The following SIM1 variants were observed in gnomAD, a reference collection of about 807,000 sequenced individuals.
The protein encoded by SIM1 is single-minded homolog 1.
Under a neutral mutation model 78.2 loss-of-function variants are expected in SIM1, and 18 were observed. The ratio of observed to expected loss-of-function variants is 0.23; its 90% CI spans 0.16 to 0.34. The LOEUF is 0.34. Ranked by LOEUF, SIM1 falls within the 10% of genes least tolerant of loss-of-function variation. The probability of loss-of-function intolerance (pLI) is 1.00; values close to 1 mark genes in which losing one functional copy is unlikely to be tolerated. For synonymous variants in SIM1, 417 were observed against 385.2 expected (o/e 1.08, Z -0.97); for missense variants, 939 against 975.1 (o/e 0.96, Z 0.49).
At chr6:100,463,073 C>T in intron 2 of SIM1, 1 of 473,302 alleles carries the variant, frequency 2.1e-6, no homozygotes, top group Non-Finnish European at 3.8e-6. Flanking sequence ...ATCTGATGGA[C>T]TGAAGAGAAA....
Position 100,463,345 on chromosome 6 carries a change from T to C in SIM1, c.124A>G (p.Ile42Val). 6.2e-7 allele frequency: 1 copy of C among 1,614,112 alleles called. No homozygotes were observed. Among genetic ancestry groups the C allele is most frequent in the African/African-American group, 1.3e-5 (1 of 75,050 alleles). The change falls in exon 2 of 12, where the codon ATA becomes GTA. Residue 42 changes from isoleucine to valine, a missense_variant. By Grantham distance (29) the Ile-to-Val change is conservative. This residue lies in a region of SIM1 where 121 missense variants were observed against 124.6 expected (regional missense o/e 0.97). Coordinates refer to ENST00000369208, the MANE Select transcript of SIM1 (RefSeq NM_005068.3). Reference protein sequence around the residue: ...AITSQLDKASIIRLTTSYLKM... With the variant: ...AITSQLDKASVIRLTTSYLKM... ...AGATAGCTGGTCGTGAGTCTGATTATGGATGCTTTGTCCAGCTGCGAGGTG... is the reference window on the plus strand; with the variant it reads ...AGATAGCTGGTCGTGAGTCTGATTACGGATGCTTTGTCCAGCTGCGAGGTG...
intron 9 of SIM1, among the ~76,000 whole-genome samples, chr6:100,446,728 T>C: frequency 6.6e-6 from 1 of 152,184 alleles, no homozygotes; most frequent in East Asian, 1.9e-4. Flanking sequence ...ACTTGCAGCG[T>C]TCTCTTGGGT....
At chr6:100,405,329 T>G (rs1230826009) in intron 10 of SIM1, among the ~76,000 whole-genome samples, 2 of 152,106 alleles carry the variant, frequency 1.3e-5, no homozygotes, top group Non-Finnish European at 2.9e-5. Flanking sequence ...CTAGAGGAAC[T>G]GAGCAGTAAA....
At chr6:100,414,598 C>T (rs1360421818) in intron 10 of SIM1, among the ~76,000 whole-genome samples, 1 of 152,096 alleles carries the variant, frequency 6.6e-6, no homozygotes. Flanking sequence ...ATAAGACTTT[C>T]TAGGAAGATA....
At chr6:100,429,041 A>G (rs970609334) in intron 9 of SIM1, among the ~76,000 whole-genome samples, 2 of 152,196 alleles carry the variant, frequency 1.3e-5, no homozygotes, top group African/African-American at 4.8e-5. Context: ...CTGGGAATAT[A>G]TCTTATAAAA....
intron 9 of SIM1, among the ~76,000 whole-genome samples, chr6:100,433,562 G>A (rs895596532): frequency 6.6e-6 from 1 of 151,884 alleles, no homozygotes; most frequent in Non-Finnish European, 1.5e-5. Context: ...TACTTTATAA[G>A]TATATTAAAA....
intron 9 of SIM1, among the ~76,000 whole-genome samples, chr6:100,430,505 A>T (rs1361343164): frequency 6.6e-6 from 1 of 152,182 alleles, no homozygotes; most frequent in South Asian, 2.1e-4. Flanking sequence ...TAATATTAAT[A>T]TCATATTAAT....
In SIM1 at chr6:100,389,365, C is replaced by G; in HGVS notation, c.*996G>C. 1 of 367,172 alleles carries G rather than the reference C, an allele frequency of 2.7e-6. No homozygotes were observed. 22.7% of individuals were successfully genotyped at this position (367,172 alleles called of 1,614,324 possible). On this transcript the variant is annotated 3_prime_UTR_variant, in exon 12 of 12. Transcript: ENST00000369208. ...ATATGTGCTTTGAAACGTTTTCAAA[C>G]ACTTAACACTGCTGTCATGTGGCAC...
chr6:100,417,947 A>C (rs538521939), intron 10 of SIM1, among the ~76,000 whole-genome samples: 5 of 152,252 alleles, frequency 3.3e-5, no homozygotes, highest in Non-Finnish European at 7.3e-5. Context: ...TGAAATTCTA[A>C]GGACTAGTTT....
rs1771566970 is a variant in SIM1 at position 100,421,044 on chromosome 6, A to T, written c.999-86T>A. On this transcript the variant is annotated intron_variant, in intron 9 of 11. Transcript: ENST00000369208. ...TCTCATCAGGAATGATAGTAATCCGAATTTGAAAAGAAGGCAAGCAAAAGT... is the reference window on the plus strand; with the variant it reads ...TCTCATCAGGAATGATAGTAATCCGTATTTGAAAAGAAGGCAAGCAAAAGT... 7 of 1,413,884 alleles carry T rather than the reference A, an allele frequency of 5.0e-6. No individual in the cohort carries two copies. The East Asian group carries it at 1.7e-4, about 35-fold the overall frequency. The allele number at this position is 1,413,884 out of a possible 1,614,324, so 87.6% of individuals were successfully genotyped here.
In SIM1 at chr6:100,412,595, G is replaced by GAA. The variant is rs1429069054; in HGVS notation, c.1167+8193_1167+8194dup. On this transcript the variant is annotated intron_variant, in intron 10 of 11. Transcript: ENST00000369208. ...AGAAAGAAAGAAAGAAAGAAAGAAAGAAAGAAAGAAAGAAAGGAAAGAAAG... is the reference window on the plus strand; with the variant it reads ...AGAAAGAAAGAAAGAAAGAAAGAAAGAAAAAGAAAGAAAGAAAGGAAAGAAAG... Among the ~76,000 whole-genome samples, 88 of 89,328 alleles carry GAA rather than the reference G, an allele frequency of 9.9e-4. 3 individuals carry two copies. Among genetic ancestry groups the GAA allele is most frequent in the African/African-American group, 3.0e-3 (75 of 25,160 alleles). The allele number at this position is 89,328 out of a possible 152,430, so 58.6% of individuals were successfully genotyped here. A position where few individuals can be genotyped will look rare whatever the true frequency, so the allele number is the denominator to read the frequency against.
At position 100,387,339 on chromosome 6, in the gene SIM1, T is replaced by C. The variant is rs981715436; in HGVS notation, c.*3022A>G. 4 of 152,110 alleles carry C rather than the reference T, an allele frequency of 2.6e-5. No homozygotes were observed. The highest frequency in any genetic ancestry group is 5.9e-5 in the Non-Finnish European group (4 of 67,956). The allele number at this position is 152,110 out of a possible 1,614,324, so 9.4% of individuals were successfully genotyped here. A position where few individuals can be genotyped will look rare whatever the true frequency, so the allele number is the denominator to read the frequency against. On this transcript the variant is annotated 3_prime_UTR_variant, in exon 12 of 12. Transcript: ENST00000369208. ...TTAACTGATTAAATTATCGGGAACG[T>C]AGTTATTTTATATACTATTTTTAAA...
In SIM1 at chr6:100,463,304, C is replaced by T. The variant is rs1456655359; in HGVS notation, c.165G>A (p.Val55=). 1 of 1,610,978 alleles carries T rather than the reference C, an allele frequency of 6.2e-7. No individual in the cohort carries two copies. The highest frequency in any genetic ancestry group is 1.3e-5 in the African/African-American group (1 of 75,010). ...GGCAAAGTCACTTACCTTCTGGGAA[C>T]ACCACTCTCATTTTGAGATAGCTGG... ...LTTSYLKMRV[V]FPEGLGEAWG... is the part of the protein sequence containing the mutation. Residue 55 remains valine (V), a synonymous_variant, in exon 2 of 12, where the codon GTG becomes GTA. Coordinates refer to ENST00000369208, the MANE Select transcript of SIM1 (RefSeq NM_005068.3).
At position 100,443,193 on chromosome 6, in the gene SIM1, C is replaced by G. The variant is rs1772260055; in HGVS notation, c.998+4075G>C. On this transcript the variant is annotated intron_variant, in intron 9 of 11. Coordinates refer to ENST00000369208, the MANE Select transcript of SIM1 (RefSeq NM_005068.3). ...CATACACTACCAATATAAATTGTCT[C>G]TATTTGTTCTGCTTTTAGTAACACA... Among the ~76,000 whole-genome samples the G allele has an allele frequency of 3.9e-5, 6 of 152,118 alleles. 1 individual carries two copies. The South Asian group carries it at 1.2e-3, about 32-fold the overall frequency.
chr6:100,448,615 C>T lies in SIM1; in HGVS notation c.607G>A (p.Gly203Ser), dbSNP rs755172740. Residue 203 changes from glycine to serine, a missense_variant, in exon 7 of 12, where the codon GGC (glycine) becomes AGC (serine). This residue lies in a region of SIM1 where 187 missense variants were observed against 191.6 expected (regional missense o/e 0.98). Transcript: ENST00000369208. ...ACCAGGCCCACGTTTTGGTAGCAGC[C>T]GTCGAAGGGGGACATGTCCAGGCTG... ...QYSLDMSPFD[G>S]CYQNVGLVAV... The T allele has an allele frequency of 1.9e-6, 3 of 1,613,968 alleles. No individual in the cohort carries two copies. Among genetic ancestry groups the T allele is most frequent in the South Asian group, 1.1e-5 (1 of 91,078 alleles).
At chr6:100,397,388 T>C (rs1770794302) in intron 10 of SIM1, among the ~76,000 whole-genome samples, 1 of 152,160 alleles carries the variant, frequency 6.6e-6, no homozygotes, top group Admixed American at 6.5e-5. Context: ...AAACTTCAAA[T>C]ATGCTCAACT....
At chr6:100,407,721 A>G (rs1771085683) in intron 10 of SIM1, among the ~76,000 whole-genome samples, 1 of 152,112 alleles carries the variant, frequency 6.6e-6, no homozygotes, top group East Asian at 1.9e-4. Flanking sequence ...CTTTTCATGT[A>G]CATGTTGGCC....
intron 9 of SIM1, among the ~76,000 whole-genome samples, chr6:100,439,432 T>C (rs1772148347): frequency 1.3e-5 from 2 of 152,222 alleles, no homozygotes; most frequent in African/African-American, 2.4e-5. Flanking sequence ...TACTATAACA[T>C]TGCAAACTGA....
In SIM1 at chr6:100,389,662, C is replaced by A. The variant is rs776516443; in HGVS notation, c.*699G>T. 3.0e-5 allele frequency: 12 copies of A among 398,854 alleles called. No individual in the cohort carries two copies. Among genetic ancestry groups the A allele is most frequent in the Non-Finnish European group, 4.4e-5 (10 of 226,048 alleles). 24.7% of individuals were successfully genotyped at this position (398,854 alleles called of 1,614,324 possible). On this transcript the variant is annotated 3_prime_UTR_variant, in exon 12 of 12. Coordinates refer to ENST00000369208, the MANE Select transcript of SIM1 (RefSeq NM_005068.3). ...TCTTACTTAGAAAAACCCTCAGCGC[C>A]ATGTCAGTGCAATCCTGGTCCTTGT...
Sources: gnomAD v4.1 joint callset for allele counts (sites outside exome capture counted in the v4.1 genomes callset) on GRCh38, gnomAD v4.1.1 for gene constraint, gnomAD v4.1.1 regional missense constraint, MANE v1.5 for transcripts, NCBI Gene and HGNC (gene_info 2026-07-23, HGNC 2026-07-21) for gene names.